Variants in DOP1B observed in about 807,000 individuals in gnomAD.
DOP1B encodes the protein DOP1 leucine zipper like protein B, also known as protein DOP1B.
A neutral mutation model predicts 233.5 loss-of-function variants in DOP1B; 174 were observed. The ratio of observed to expected loss-of-function variants is 0.75; its 90% CI spans 0.66 to 0.85. The LOEUF (loss-of-function observed/expected upper bound fraction) is 0.85. Ranked by LOEUF, DOP1B falls within the 40% of genes least tolerant of loss-of-function variation. The pLI is 0.00. For missense variants in DOP1B, 2,652 were observed against 2,846.6 expected, an observed-to-expected ratio of 0.93 and a Z score of 1.56; for synonymous variants, 1,190 against 1,185.6, an observed-to-expected ratio of 1.00 and a Z score of -0.08.
chr21:36,235,415 TA>T (rs2066813907), intron 15 of DOP1B, among the ~76,000 whole-genome samples: 1 of 151,378 alleles, frequency 6.6e-6, no homozygotes, highest in East Asian at 1.9e-4. Context: ...AGGAGTAGAG[TA>T]AGGTTTAAAC....
chr21:36,220,132 A>G (rs2066608910), intron 10 of DOP1B, among the ~76,000 whole-genome samples: 1 of 152,162 alleles, frequency 6.6e-6, no homozygotes, highest in Admixed American at 6.5e-5. Context: ...CTTTACTCTT[A>G]ATGTAATTTC....
At chr21:36,212,545 G>T (rs1205633345) in intron 7 of DOP1B, among the ~76,000 whole-genome samples, 3 of 152,140 alleles carry the variant, frequency 2.0e-5, no homozygotes, top group Non-Finnish European at 2.9e-5. Context: ...TGGAGATCAC[G>T]AGAGCCCCTG....
chr21:36,235,160 A>T (rs577705001), intron 15 of DOP1B, among the ~76,000 whole-genome samples: 1 of 152,274 alleles, frequency 6.6e-6, no homozygotes, highest in East Asian at 1.9e-4. Flanking sequence ...CCTGTTGCAG[A>T]TGCTGGAACT....
rs2066538907 is a variant in DOP1B at position 36,214,546 on chromosome 21, G to A, written c.1119G>A (p.Lys373=). ...GCGTCCTCATCAGTCTGCTTGACAA[G>A]CCAGAAATAGGTAATGTTAGAAATG... ...PFRVLISLLD[K]PEIGPQVVGN... Residue 373 remains lysine, a synonymous_variant, in exon 9 of 37, where the codon AAG becomes AAA. Transcript: ENST00000691173. 6.2e-7 allele frequency: 1 copy of A among 1,613,690 alleles called. No individual in the cohort carries two copies. Among genetic ancestry groups the A allele is most frequent in the Non-Finnish European group, 8.5e-7 (1 of 1,179,906 alleles).
chr21:36,254,053 G>A, intron 23 of DOP1B, 144 bp downstream of exon 23: 1 of 1,086,290 alleles, frequency 9.2e-7, no homozygotes, highest in South Asian at 1.7e-5. Flanking sequence ...AAGTGGAGGT[G>A]CTGTTTGCTG....
intron 2 of DOP1B, among the ~76,000 whole-genome samples, chr21:36,166,308 G>A (rs1236206484): frequency 2.0e-5 from 3 of 151,840 alleles, no homozygotes; most frequent in African/African-American, 4.8e-5. Flanking sequence ...GTGGTGGCGA[G>A]CACCTGTAGT....
chr21:36,274,764 A>T (rs993091412), intron 27 of DOP1B, among the ~76,000 whole-genome samples: 3 of 152,104 alleles, frequency 2.0e-5, no homozygotes, highest in Admixed American at 6.6e-5. Context: ...GAGACAGTGG[A>T]GGTCGGTAAC....
chr21:36,192,863 A>AT (rs368495957), intron 2 of DOP1B, among the ~76,000 whole-genome samples: 3 of 151,056 alleles, frequency 2.0e-5, no homozygotes, highest in East Asian at 3.9e-4. Context: ...AATTTTTTGT[A>AT]TTTTTTTAGT....
At chr21:36,282,229 T>C (rs894627469) in intron 32 of DOP1B, among the ~76,000 whole-genome samples, 2 of 152,118 alleles carry the variant, frequency 1.3e-5, no homozygotes, top group African/African-American at 4.8e-5. Flanking sequence ...AAGACCAGCC[T>C]GACCAACGTG....
chr21:36,230,060 G>T (rs1431819264), intron 13 of DOP1B, among the ~76,000 whole-genome samples: 1 of 150,228 alleles, frequency 6.7e-6, no homozygotes, highest in Non-Finnish European at 1.5e-5. Flanking sequence ...GTTGTCCAGA[G>T]AATTGTGGCA....
intron 7 of DOP1B, among the ~76,000 whole-genome samples, chr21:36,213,664 A>G (rs2066525739): frequency 6.6e-6 from 1 of 151,734 alleles, no homozygotes; most frequent in Admixed American, 6.6e-5. Context: ...TCAACCTCCC[A>G]AGTAGCTGGG....
In DOP1B at chr21:36,227,170, T is replaced by C. The variant is rs1379429115; in HGVS notation, c.1474-516T>C. Among the ~76,000 whole-genome samples the C allele has an allele frequency of 4.0e-5, 6 of 150,464 alleles. No individual in the cohort carries two copies. In the South Asian group the frequency reaches 6.3e-4, roughly 16 times the overall value. ...TTGCAGTGAGCCGAGATCACACCAC[T>C]GCACTCCAGCCTGGGTGACAGAGTG... is the stretch of plus-strand genomic sequence containing the variant. On this transcript the variant is annotated intron_variant, in intron 12 of 36. Transcript: ENST00000691173.
At chr21:36,209,857 T>C (rs1429742362) in intron 5 of DOP1B, among the ~76,000 whole-genome samples, 1 of 152,168 alleles carries the variant, frequency 6.6e-6, no homozygotes, top group Non-Finnish European at 1.5e-5. Flanking sequence ...AGTGTTCAGA[T>C]TGAATTCGCA....
intron 33 of DOP1B, 70 bp downstream of exon 33, chr21:36,288,220 G>A (rs998636812): frequency 1.3e-5 from 19 of 1,451,744 alleles, no homozygotes; most frequent in East Asian, 4.6e-5. Flanking sequence ...GTAACATAAC[G>A]TACTATTTCC....
intron 2 of DOP1B, among the ~76,000 whole-genome samples, chr21:36,181,404 G>A (rs890657794): frequency 5.9e-5 from 9 of 151,780 alleles, no homozygotes; most frequent in African/African-American, 1.9e-4. Flanking sequence ...TCAGCCTCCC[G>A]AGTAGCTGGG....
At position 36,224,416 on chromosome 21, in the gene DOP1B, G is replaced by C. The variant is rs9941813; in HGVS notation, c.1370+1066G>C. Among the ~76,000 whole-genome samples the C allele has an allele frequency of 9.9e-3, 1,502 of 151,982 alleles. 18 individuals are homozygous for C. Among genetic ancestry groups the C allele is most frequent in the African/African-American group, 0.034 (1,425 of 41,448 alleles). ...GCTGGTCCCAAACTCCTGACCTCAA[G>C]TGATCCACCCGCCTTGGCCTCCCAA... On this transcript the variant is annotated intron_variant, in intron 11 of 36. Transcript: ENST00000691173.
intron 24 of DOP1B, chr21:36,261,555 G>C: frequency 1.0e-6 from 1 of 985,384 alleles, no homozygotes; most frequent in African/African-American, 1.7e-5. Context: ...AGCTTTACTG[G>C]ACCTCATTCA....
intron 2 of DOP1B, 50 bp from the exon 3 acceptor site, chr21:36,199,020 T>C (rs747493165): frequency 6.3e-7 from 1 of 1,578,740 alleles, no homozygotes; most frequent in Non-Finnish European, 8.6e-7. Flanking sequence ...CTCTCCATTG[T>C]AAATATCGCT....
intron 4 of DOP1B, among the ~76,000 whole-genome samples, chr21:36,207,589 A>G (rs897622265): frequency 2.0e-4 from 29 of 146,562 alleles, no homozygotes; most frequent in African/African-American, 7.1e-4. Flanking sequence ...CTTTTAGCTG[A>G]GCACGGGCGT....
Sources: gnomAD v4.1 joint callset for allele counts (sites outside exome capture counted in the v4.1 genomes callset) on GRCh38, gnomAD v4.1.1 for gene constraint, MANE v1.5 for transcripts, NCBI Gene and HGNC (gene_info 2026-07-23, HGNC 2026-07-21) for gene names.